The following TMEM170B variants were observed in gnomAD, a reference collection of about 807,000 sequenced individuals.
TMEM170B encodes transmembrane protein 170B.
In TMEM170B, 6 loss-of-function variants were observed where a neutral mutation model predicts 13.0. The ratio of observed to expected loss-of-function variants is 0.46; its 90% CI spans 0.25 to 0.91. The LOEUF is 0.91. Ranked by LOEUF, TMEM170B falls within the 40% of genes least tolerant of loss-of-function variation. TMEM170B has a pLI of 0.17. For synonymous variants in TMEM170B, 61 were observed against 64.9 expected (o/e 0.94, Z 0.29); for missense variants, 138 against 165.2 (o/e 0.84, Z 0.90).
chr6:11,561,719 G>A (rs926124329), intron 1 of TMEM170B, among the ~76,000 whole-genome samples: 1 of 152,056 alleles, frequency 6.6e-6, no homozygotes, highest in African/African-American at 2.4e-5. Flanking sequence ...TTTTAAAAGA[G>A]AGAAAGAAAT....
intron 2 of TMEM170B, among the ~76,000 whole-genome samples, chr6:11,571,386 G>A (rs1759799861): frequency 6.6e-6 from 1 of 151,988 alleles, no homozygotes; most frequent in South Asian, 2.1e-4. Flanking sequence ...CTTTTCATTG[G>A]AATGCTCATC....
chr6:11,548,621 C>T (rs763212145), intron 1 of TMEM170B, among the ~76,000 whole-genome samples: 2 of 152,142 alleles, frequency 1.3e-5, no homozygotes, highest in Non-Finnish European at 2.9e-5. Context: ...GAGACATGCA[C>T]ACGTATGTTT....
chr6:11,558,095 ATATTCT>A (rs890647353), intron 1 of TMEM170B, among the ~76,000 whole-genome samples: 2 of 152,136 alleles, frequency 1.3e-5, no homozygotes, highest in Admixed American at 6.5e-5. Flanking sequence ...TACTCTTGAA[ATATTCT>A]TATAGTCTCT....
At chr6:11,563,690 TGTG>T (rs990930979) in intron 1 of TMEM170B, among the ~76,000 whole-genome samples, 1 of 152,034 alleles carries the variant, frequency 6.6e-6, no homozygotes, top group Non-Finnish European at 1.5e-5. Context: ...TGAGGCCAGG[TGTG>T]GTGGTTCTCG....
At chr6:11,550,537 G>A (rs993177190) in intron 1 of TMEM170B, among the ~76,000 whole-genome samples, 3 of 151,516 alleles carry the variant, frequency 2.0e-5, no homozygotes, top group Non-Finnish European at 2.9e-5. Context: ...ATAAAAAAAC[G>A]TATACCCAGG....
intron 1 of TMEM170B, among the ~76,000 whole-genome samples, chr6:11,542,554 G>A (rs2088278372): frequency 6.6e-6 from 1 of 152,174 alleles, no homozygotes; most frequent in Admixed American, 6.5e-5. Context: ...CTGAATATGT[G>A]AAATTCTAGG....
At position 11,579,778 on chromosome 6, in the gene TMEM170B, C is replaced by A. The variant is rs1759927281; in HGVS notation, c.*4217C>A. Reference sequence around the variant, plus strand: ...TATTCCCACTTACTTCCCTTGGATTCATTCAGCCATGTTGATTTATTGACT... The same window carrying A: ...TATTCCCACTTACTTCCCTTGGATTAATTCAGCCATGTTGATTTATTGACT... On this transcript the variant is annotated 3_prime_UTR_variant, in exon 3 of 3. Coordinates refer to ENST00000379426, the MANE Select transcript of TMEM170B (RefSeq NM_001100829.3). The A allele has an allele frequency of 6.6e-6, 1 of 152,180 alleles. No individual in the cohort carries two copies. Among genetic ancestry groups the A allele is most frequent in the Non-Finnish European group, 1.5e-5 (1 of 68,036 alleles). The allele number at this position is 152,180 out of a possible 1,614,324, so 9.4% of individuals were successfully genotyped here.
rs1406673748 is a variant in TMEM170B at position 11,579,132 on chromosome 6, G to GC, written c.*3573dup. The GC allele has an allele frequency of 1.3e-5, 2 of 152,166 alleles. No individual in the cohort carries two copies. Among genetic ancestry groups the GC allele is most frequent in the Non-Finnish European group, 2.9e-5 (2 of 68,020 alleles). 9.4% of individuals were successfully genotyped at this position (152,166 alleles called of 1,614,324 possible). ...GCTTCCTGATTTTAGTTGAGAGTTA[G>GC]CCTGTTATCCCTCCAAATTCTCATT... On this transcript the variant is annotated 3_prime_UTR_variant, in exon 3 of 3. Coordinates refer to ENST00000379426, the MANE Select transcript of TMEM170B (RefSeq NM_001100829.3).
chr6:11,562,418 T>G (rs553822247), intron 1 of TMEM170B, among the ~76,000 whole-genome samples: 1 of 149,646 alleles, frequency 6.7e-6, no homozygotes, highest in African/African-American at 2.5e-5. Context: ...TGTATGCCAT[T>G]GAGAAGCATG....
intron 1 of TMEM170B, among the ~76,000 whole-genome samples, chr6:11,553,744 A>G (rs1283600003): frequency 6.6e-6 from 1 of 152,190 alleles, no homozygotes; most frequent in Non-Finnish European, 1.5e-5. Flanking sequence ...TAATCTTTCA[A>G]GTTAAGCAAC....
Position 11,575,622 on chromosome 6 carries a change from G to A in TMEM170B, c.*61G>A, listed in dbSNP as rs1483927854. On this transcript the variant is annotated 3_prime_UTR_variant, in exon 3 of 3. Coordinates refer to ENST00000379426, the MANE Select transcript of TMEM170B (RefSeq NM_001100829.3). The surrounding 1 kb of genome is among the most constrained non-coding windows in gnomAD (Gnocchi z 4.1). The stretch of plus-strand genomic sequence containing the variant: ...ACAGATGTACAGATTCCCTGAAAAC[G>A]GCATTGTTAACAAGTGGAAATGAAA... 3.8e-6 allele frequency: 6 copies of A among 1,588,250 alleles called. No individual in the cohort carries two copies. Among genetic ancestry groups the A allele is most frequent in the African/African-American group, 2.7e-5 (2 of 74,306 alleles).
chr6:11,545,254 G>A (rs1582137655), intron 1 of TMEM170B, among the ~76,000 whole-genome samples: 1 of 131,566 alleles, frequency 7.6e-6, no homozygotes, highest in East Asian at 2.3e-4. Context: ...TGGAATGAAG[G>A]TTAAAAGGCT....
intron 1 of TMEM170B, among the ~76,000 whole-genome samples, chr6:11,555,648 G>A (rs887762174): frequency 5.9e-5 from 9 of 151,976 alleles, no homozygotes; most frequent in Admixed American, 5.2e-4. Flanking sequence ...CATCTCTACT[G>A]AAATTCCCAA....
At chr6:11,543,288 A>C (rs1759386916) in intron 1 of TMEM170B, among the ~76,000 whole-genome samples, 1 of 152,210 alleles carries the variant, frequency 6.6e-6, no homozygotes, top group Non-Finnish European at 1.5e-5. Context: ...AAATTTTAAC[A>C]GTTGCTTGAT....
At chr6:11,575,000 T>C in intron 2 of TMEM170B, among the ~76,000 whole-genome samples, 1 of 152,100 alleles carries the variant, frequency 6.6e-6, no homozygotes. Context: ...AAAATATTTA[T>C]TAATAATTTA....
At chr6:11,555,031 A>G (rs1032174160) in intron 1 of TMEM170B, among the ~76,000 whole-genome samples, 5 of 152,128 alleles carry the variant, frequency 3.3e-5, no homozygotes, top group African/African-American at 1.2e-4. Flanking sequence ...AATCCTGTCT[A>G]AGGAGCTTCC....
In TMEM170B at chr6:11,564,643, T is replaced by C. The variant is rs560130703; in HGVS notation, c.98-1023T>C. ...TTAAATGGGAACTGGGATGTGACAT[T>C]GAATCTAAGGATGGTAATGAGTCAG... On this transcript the variant is annotated intron_variant, in intron 1 of 2. Coordinates refer to ENST00000379426, the MANE Select transcript of TMEM170B (RefSeq NM_001100829.3). Among the ~76,000 whole-genome samples the C allele has an allele frequency of 7.2e-5, 11 of 152,334 alleles. No individual in the cohort carries two copies. The East Asian group carries it at 2.1e-3, about 29-fold the overall frequency.
In TMEM170B at chr6:11,565,670, G is replaced by A. The variant is rs1291886277; in HGVS notation, c.102G>A (p.Met34Ile). 10 of 1,613,936 alleles carry A rather than the reference G, an allele frequency of 6.2e-6. No homozygotes were observed. The highest frequency in any genetic ancestry group is 1.7e-5 in the Admixed American group (1 of 59,994). ...HGTVLRNLTE[M>I]WYWIFLWALF... ...ATACTTTGCTTTTCCTTTCAGAGAT[G>A]TGGTACTGGATCTTCCTCTGGGCTC... The change falls in exon 2 of 3, where the codon ATG (methionine) becomes ATA (isoleucine). Residue 34 changes from methionine to isoleucine, a missense_variant. Met to Ile is a conservative substitution (Grantham distance 10). Transcript: ENST00000379426.
rs1458021570 is a variant in TMEM170B, at chr6:11,582,453, A to T, written c.*6892A>T. ...CTAACGAATAGTAGCTACTAACTTCATATGGTTCAATGTAAATCAGTTACT... is the reference window on the plus strand; with the variant it reads ...CTAACGAATAGTAGCTACTAACTTCTTATGGTTCAATGTAAATCAGTTACT... On this transcript the variant is annotated 3_prime_UTR_variant, in exon 3 of 3. Transcript: ENST00000379426. The T allele has an allele frequency of 6.6e-6, 1 of 152,240 alleles. No homozygotes were observed. Among genetic ancestry groups the T allele is most frequent in the Non-Finnish European group, 1.5e-5 (1 of 68,036 alleles). The allele number at this position is 152,240 out of a possible 1,614,324, so 9.4% of individuals were successfully genotyped here.
Sources: gnomAD v4.1 joint callset for allele counts (sites outside exome capture counted in the v4.1 genomes callset) on GRCh38, gnomAD v4.1.1 for gene constraint, Gnocchi (gnomAD v3.1) non-coding constraint, MANE v1.5 for transcripts, NCBI Gene and HGNC (gene_info 2026-07-23, HGNC 2026-07-21) for gene names.